The following LRRC23 variants were observed in gnomAD, a reference collection of about 807,000 sequenced individuals.
The protein encoded by LRRC23 is leucine rich repeat containing 23, also known as leucine-rich repeat-containing protein 23.
A neutral mutation model predicts 37.7 loss-of-function variants in LRRC23; 28 were observed. The ratio of observed to expected loss-of-function variants is 0.74; its 90% CI spans 0.55 to 1.02. The LOEUF (loss-of-function observed/expected upper bound fraction) is 1.02, where lower values mean the gene tolerates loss of function less well. Ranked by LOEUF, LRRC23 falls within the 50% of genes least tolerant of loss-of-function variation. The probability of loss-of-function intolerance (pLI) is 0.00; values close to 1 mark genes in which losing one functional copy is unlikely to be tolerated. For synonymous variants in LRRC23, 161 were observed against 165.4 expected, an observed-to-expected ratio of 0.97 and a Z score of 0.20; for missense variants, 377 against 413.2, an observed-to-expected ratio of 0.91 and a Z score of 0.76.
chr12:6,913,560 T>TG (rs1555141108), intron 7 of LRRC23, among the ~76,000 whole-genome samples: 5 of 106,276 alleles, frequency 4.7e-5, no homozygotes, highest in African/African-American at 1.7e-4. Flanking sequence ...TGTTTGTTTT[T>TG]TTTTTTTTTT....
At chr12:6,913,147 C>A in intron 7 of LRRC23, 120 bp downstream of exon 7, 3 of 1,058,712 alleles carry the variant, frequency 2.8e-6, no homozygotes, top group Non-Finnish European at 2.7e-6. Flanking sequence ...ACAAGCAGGA[C>A]CCTTAAAGAG....
rs550498125 is a variant in LRRC23 at position 6,905,837 on chromosome 12, A to C, written c.127-8A>C. The C allele has an allele frequency of 1.2e-6, 2 of 1,613,082 alleles. No individual in the cohort carries two copies. The highest frequency in any genetic ancestry group is 8.5e-7 in the Non-Finnish European group (1 of 1,179,142). On this transcript the variant is annotated splice_region_variant and splice_polypyrimidine_tract_variant and intron_variant, in intron 2 of 7. Coordinates refer to ENST00000443597, the MANE Select transcript of LRRC23 (RefSeq NM_001135217.2). The stretch of plus-strand genomic sequence containing the variant: ...GGGAGAGACACCTTACTCCACTTCT[A>C]CCTGCAGTGGCTGCCCACCCCCCTC...
chr12:6,909,215 A>ATATAT lies in LRRC23; in HGVS notation c.622-674_622-670dup, dbSNP rs1945068097. Among the ~76,000 whole-genome samples the ATATAT allele has an allele frequency of 1.0e-3, 2 of 1,916 alleles. 1 individual carries two copies. Among genetic ancestry groups the ATATAT allele is most frequent in the African/African-American group, 0.013 (2 of 152 alleles). The allele number at this position is 1,916 out of a possible 152,430, so 1.3% of individuals were successfully genotyped here. ...TATATATAATATATAATTATATATA[A>ATATAT]TATATATAATTAGATATAATATATA... On this transcript the variant is annotated intron_variant, in intron 5 of 7. Coordinates refer to ENST00000443597, the MANE Select transcript of LRRC23 (RefSeq NM_001135217.2).
chr12:6,907,229 A>T, intron 4 of LRRC23, 86 bp from the exon 5 acceptor site: 1 of 1,516,928 alleles, frequency 6.6e-7, no homozygotes, highest in Non-Finnish European at 9.1e-7. Flanking sequence ...TGCGAATGGT[A>T]GGATGATTTA....
chr12:6,906,663 G>A lies in LRRC23; in HGVS notation c.490+1G>A, dbSNP rs782409718. ...CGTCTTGAAACCCTGAATCTCAAAG[G>A]TGGGTCTTTAGGATGGGCTACACAA... is the stretch of plus-strand genomic sequence containing the variant. On this transcript the variant is annotated splice_donor_variant, in intron 4 of 7. Coordinates refer to ENST00000443597, the MANE Select transcript of LRRC23 (RefSeq NM_001135217.2). LOFTEE classifies it high-confidence loss of function. 5 of 1,613,838 alleles carry A rather than the reference G, an allele frequency of 3.1e-6. No individual in the cohort carries two copies. Among genetic ancestry groups the A allele is most frequent in the Non-Finnish European group, 4.2e-6 (5 of 1,179,802 alleles).
intron 7 of LRRC23, 74 bp from the exon 8 acceptor site, chr12:6,913,817 C>A (rs1945251048): frequency 8.6e-7 from 1 of 1,161,148 alleles, no homozygotes. Flanking sequence ...CCCGCCTCCG[C>A]CTTCCAAAGT....
intron 5 of LRRC23, among the ~76,000 whole-genome samples, chr12:6,909,444 AG>A: frequency 1.1e-5 from 1 of 88,252 alleles, no homozygotes; most frequent in East Asian, 3.9e-4. Flanking sequence ...TATATATAAT[AG>A]TATATAATAT....
At chr12:6,913,425 A>T (rs1555141062) in intron 7 of LRRC23, among the ~76,000 whole-genome samples, 4 of 151,968 alleles carry the variant, frequency 2.6e-5, no homozygotes, top group Non-Finnish European at 4.4e-5. Context: ...AGCACAAAAA[A>T]TCTGAAGCTA....
At chr12:6,906,780 G>C in intron 4 of LRRC23, 118 bp downstream of exon 4, 1 of 1,092,704 alleles carries the variant, frequency 9.2e-7, no homozygotes, top group South Asian at 1.5e-5. Context: ...CATTCATTCA[G>C]ATACGCAATA....
intron 6 of LRRC23, 58 bp from the exon 7 acceptor site, chr12:6,912,672 G>C: frequency 6.6e-7 from 1 of 1,508,456 alleles, no homozygotes. Flanking sequence ...CCCATTCCTA[G>C]CAACTGGCAA....
At chr12:6,913,457 G>T (rs782591785) in intron 7 of LRRC23, among the ~76,000 whole-genome samples, 5 of 151,286 alleles carry the variant, frequency 3.3e-5, no homozygotes, top group African/African-American at 1.2e-4. Context: ...CAGAGATGGG[G>T]GAAGAAAAGA....
chr12:6,907,546 GATA>G lies in LRRC23; in HGVS notation c.621+106_621+108del, dbSNP rs782676157. On this transcript the variant is annotated intron_variant, in intron 5 of 7. Coordinates refer to ENST00000443597, the MANE Select transcript of LRRC23 (RefSeq NM_001135217.2). The stretch of plus-strand genomic sequence containing the variant: ...GCTCAGCTACTAACTTCATCATTAT[GATA>G]ATAACTGGTATTATTATCAAGACCA... 14 of 1,206,256 alleles carry G rather than the reference GATA, an allele frequency of 1.2e-5. No homozygotes were observed. The East Asian group carries it at 3.4e-4, about 29-fold the overall frequency. 74.7% of individuals were successfully genotyped at this position (1,206,256 alleles called of 1,614,324 possible). A position where few individuals can be genotyped will look rare whatever the true frequency, so the allele number is the denominator to read the frequency against.
In LRRC23 at chr12:6,904,941, G is replaced by A. The variant is rs782747889; in HGVS notation, c.-184G>A. 6.6e-6 allele frequency: 1 copy of A among 152,394 alleles called. No homozygotes were observed. The highest frequency in any genetic ancestry group is 1.5e-5 in the Non-Finnish European group (1 of 68,148). 9.4% of individuals were successfully genotyped at this position (152,394 alleles called of 1,614,324 possible). On this transcript the variant is annotated 5_prime_UTR_variant, in exon 1 of 8. Coordinates refer to ENST00000443597, the MANE Select transcript of LRRC23 (RefSeq NM_001135217.2). The stretch of plus-strand genomic sequence containing the variant: ...CTACTCTCAACGGTGGCGAGCTGCA[G>A]TTGCCAAGTGCCCCGTCCCCGTTGC...
At chr12:6,909,127 A>T (rs1342224942) in intron 5 of LRRC23, among the ~76,000 whole-genome samples, 91 of 20,756 alleles carry the variant, frequency 4.4e-3, no homozygotes, top group African/African-American at 4.9e-3. Context: ...ATAATATATA[A>T]TATATAATTA....
chr12:6,909,432 A>G (rs1555140387), intron 5 of LRRC23, among the ~76,000 whole-genome samples: 3 of 35,190 alleles, frequency 8.5e-5, no homozygotes, highest in Admixed American at 4.5e-4. Context: ...ATATATAAAT[A>G]TTATATATAA....
intron 5 of LRRC23, among the ~76,000 whole-genome samples, chr12:6,908,616 A>AAAAAAAAAC (rs1945011924): frequency 7.7e-6 from 1 of 129,692 alleles, no homozygotes; most frequent in African/African-American, 3.1e-5. Context: ...AAAAAAAAAA[A>AAAAAAAAAC]AAAACCAAAG....
At chr12:6,909,079 T>TAAA (rs1307626717) in intron 5 of LRRC23, among the ~76,000 whole-genome samples, 1 of 34,536 alleles carries the variant, frequency 2.9e-5, no homozygotes, top group South Asian at 7.8e-4. Flanking sequence ...ATATTATATA[T>TAAA]TATATAATTA....
chr12:6,911,259 C>A (rs1274668572), intron 6 of LRRC23, among the ~76,000 whole-genome samples: 1 of 152,134 alleles, frequency 6.6e-6, no homozygotes, highest in Non-Finnish European at 1.5e-5. Context: ...CTGCCTCTTT[C>A]CTTAGTCAAC....
chr12:6,913,029 T>C lies in LRRC23; in HGVS notation c.*24+2T>C. On this transcript the variant is annotated splice_donor_variant, in intron 7 of 7. Transcript: ENST00000443597. LOFTEE classifies it low-confidence loss of function (3UTR_SPLICE). ...CAGCAGTTCTAGCCTCTAAAGATAGTAAGGAAGCCTGCAGGGAGGCAGTGG... is the reference window on the plus strand; with the variant it reads ...CAGCAGTTCTAGCCTCTAAAGATAGCAAGGAAGCCTGCAGGGAGGCAGTGG... 6.2e-7 allele frequency: 1 copy of C among 1,609,192 alleles called. No individual in the cohort carries two copies. Among genetic ancestry groups the C allele is most frequent in the Non-Finnish European group, 8.5e-7 (1 of 1,176,954 alleles).
Sources: gnomAD v4.1 joint callset for allele counts (sites outside exome capture counted in the v4.1 genomes callset) on GRCh38, gnomAD v4.1.1 for gene constraint, MANE v1.5 for transcripts, NCBI Gene and HGNC (gene_info 2026-07-23, HGNC 2026-07-21) for gene names.